LRP1B: variants seen among roughly 807,000 people sequenced by gnomAD.
LRP1B encodes LDL receptor related protein 1B, also known as low-density lipoprotein receptor-related protein 1B.
A neutral mutation model predicts 556.6 loss-of-function variants in LRP1B; 217 were observed. The observed-to-expected ratio is 0.39, with a 90% CI of 0.35 to 0.44. The LOEUF (loss-of-function observed/expected upper bound fraction) is 0.44. Among genes scored for constraint, LRP1B ranks in the 20% least tolerant of loss-of-function variants. The pLI is 1.00. For missense variants in LRP1B, 5,053 were observed against 5,620.8 expected (o/e 0.90, Z 3.23); for synonymous variants, 2,047 against 1,865.8 (o/e 1.10, Z -2.50).
intron 2 of LRP1B, among the ~76,000 whole-genome samples, chr2:141,588,678 A>G (rs1687224581): frequency 6.6e-6 from 1 of 152,194 alleles, no homozygotes. Flanking sequence ...GCCTGCCACA[A>G]GAAGTTGTAT....
chr2:141,236,052 A>G (rs1194090522), intron 5 of LRP1B, among the ~76,000 whole-genome samples: 1 of 152,124 alleles, frequency 6.6e-6, no homozygotes, highest in Non-Finnish European at 1.5e-5. Context: ...AATATGTAAG[A>G]TATTGTGTGG....
At chr2:141,852,374 T>G (rs747145502) in intron 1 of LRP1B, among the ~76,000 whole-genome samples, 1 of 151,776 alleles carries the variant, frequency 6.6e-6, no homozygotes, top group Non-Finnish European at 1.5e-5. Context: ...GATAAAGTGA[T>G]CTTTCTAATA....
chr2:141,751,081 A>C (rs1694093503), intron 2 of LRP1B, among the ~76,000 whole-genome samples: 1 of 151,972 alleles, frequency 6.6e-6, no homozygotes, highest in Admixed American at 6.6e-5. Context: ...CTTTCTGCAG[A>C]GAAAAAAAAG....
chr2:140,659,893 G>A (rs1235016104), intron 41 of LRP1B, among the ~76,000 whole-genome samples: 2 of 151,912 alleles, frequency 1.3e-5, no homozygotes, highest in Non-Finnish European at 2.9e-5. Flanking sequence ...GTAACACATT[G>A]ATTTTTAATC....
chr2:140,385,788 C>T, intron 67 of LRP1B, 105 bp downstream of exon 67: 2 of 761,308 alleles, frequency 2.6e-6, no homozygotes, highest in South Asian at 3.0e-5. Context: ...AAAATGTGAG[C>T]CATAAGACAG....
rs535223047 is a variant in LRP1B at position 141,134,624 on chromosome 2, A to AT, written c.1013+53796_1013+53797insA. 3.3e-5 allele frequency among the ~76,000 whole-genome samples: 5 copies of AT among 151,980 alleles called. 1 individual carries two copies. The South Asian group carries it at 8.3e-4, about 25-fold the overall frequency. ...CTGAATTCATTAAATGGAAAAAAAAAGTTTCTAAATAAAGTACATAGTACA... is the reference window on the plus strand; with the variant it reads ...CTGAATTCATTAAATGGAAAAAAAAATGTTTCTAAATAAAGTACATAGTACA... On this transcript the variant is annotated intron_variant, in intron 7 of 90. Transcript: ENST00000389484.
chr2:141,926,612 A>T (rs537552584), intron 1 of LRP1B, among the ~76,000 whole-genome samples: 19 of 152,310 alleles, frequency 1.2e-4, no homozygotes, highest in African/African-American at 4.3e-4. Flanking sequence ...TGTCTTAAGG[A>T]TTAACTTGAT....
At chr2:141,112,075 A>AAATT (rs1198488670) in intron 7 of LRP1B, among the ~76,000 whole-genome samples, 1 of 137,124 alleles carries the variant, frequency 7.3e-6, no homozygotes, top group Non-Finnish European at 1.5e-5. Flanking sequence ...AATAAATAAT[A>AAATT]AATAAATAAA....
At chr2:140,744,051 T>C (rs1688236564) in intron 35 of LRP1B, among the ~76,000 whole-genome samples, 1 of 142,088 alleles carries the variant, frequency 7.0e-6, no homozygotes, top group African/African-American at 2.7e-5. Context: ...GTGAGAGGAA[T>C]GAGAAGATGT....
intron 17 of LRP1B, among the ~76,000 whole-genome samples, chr2:140,985,218 C>G (rs72991745): frequency 0.081 from 12,257 of 152,002 alleles, 729 homozygotes; most frequent in African/African-American, 0.16. Context: ...GAGACTAGAG[C>G]ATAGCACTAT....
At chr2:140,568,824 T>C (rs1278376087) in intron 43 of LRP1B, among the ~76,000 whole-genome samples, 1 of 151,728 alleles carries the variant, frequency 6.6e-6, no homozygotes, top group Non-Finnish European at 1.5e-5. Context: ...AATGTAAAGG[T>C]TTTTACATTA....
intron 7 of LRP1B, among the ~76,000 whole-genome samples, chr2:141,088,938 C>T (rs1700110848): frequency 6.6e-6 from 1 of 151,888 alleles, no homozygotes; most frequent in Non-Finnish European, 1.5e-5. Flanking sequence ...TTTTCTGGAC[C>T]TTAAAAAAAT....
chr2:141,325,885 G>A (rs1687411064), intron 3 of LRP1B, among the ~76,000 whole-genome samples: 1 of 152,076 alleles, frequency 6.6e-6, no homozygotes, highest in Non-Finnish European at 1.5e-5. Flanking sequence ...TGGATTGATA[G>A]TCTGTGTGGC....
intron 20 of LRP1B, among the ~76,000 whole-genome samples, chr2:140,940,543 G>T (rs1188965410): frequency 6.6e-6 from 1 of 152,064 alleles, no homozygotes; most frequent in Non-Finnish European, 1.5e-5. Context: ...CTTTTCACAA[G>T]AACCTTGCAA....
At position 141,806,912 on chromosome 2, in the gene LRP1B, C is replaced by A. The variant is rs541962937; in HGVS notation, c.205+3367G>T. ...GAGTGGTCTTTCTATCATTTTAAAGCTAAGTGGATTTCAGAAAAAAATAAC... is the reference window on the plus strand; with the variant it reads ...GAGTGGTCTTTCTATCATTTTAAAGATAAGTGGATTTCAGAAAAAAATAAC... On this transcript the variant is annotated intron_variant, in intron 2 of 90. Coordinates refer to ENST00000389484, the MANE Select transcript of LRP1B (RefSeq NM_018557.3). Among the ~76,000 whole-genome samples the A allele has an allele frequency of 6.6e-5, 10 of 152,040 alleles. No individual in the cohort carries two copies. The East Asian group carries it at 1.9e-3, about 29-fold the overall frequency.
chr2:140,810,871 G>A (rs994007410), intron 32 of LRP1B, among the ~76,000 whole-genome samples: 8 of 152,152 alleles, frequency 5.3e-5, no homozygotes, highest in Admixed American at 2.0e-4. Flanking sequence ...AAGTAGCTGG[G>A]ATTACAGGCA....
At chr2:141,628,966 A>G (rs1350918210) in intron 2 of LRP1B, among the ~76,000 whole-genome samples, 1 of 152,208 alleles carries the variant, frequency 6.6e-6, no homozygotes, top group Non-Finnish European at 1.5e-5. Context: ...GTGTTGTATG[A>G]GGATGTAGAT....
chr2:141,862,036 AT>A, intron 1 of LRP1B, among the ~76,000 whole-genome samples: 1 of 152,340 alleles, frequency 6.6e-6, no homozygotes, highest in East Asian at 1.9e-4. Context: ...TATATATAAA[AT>A]TCCTATTTTG....
At chr2:140,649,402 C>T (rs1336342624) in intron 41 of LRP1B, among the ~76,000 whole-genome samples, 2 of 152,124 alleles carry the variant, frequency 1.3e-5, no homozygotes, top group African/African-American at 4.8e-5. Context: ...ACAAATAGCA[C>T]TTTCAAGGGG....
Sources: gnomAD v4.1 joint callset for allele counts (sites outside exome capture counted in the v4.1 genomes callset) on GRCh38, gnomAD v4.1.1 for gene constraint, MANE v1.5 for transcripts, NCBI Gene and HGNC (gene_info 2026-07-23, HGNC 2026-07-21) for gene names.